The following KATNIP variants were observed in gnomAD, a reference collection of about 807,000 sequenced individuals.
KATNIP encodes the protein katanin-interacting protein.
In KATNIP, 126 loss-of-function variants were observed where a neutral mutation model predicts 174.0. That is an observed-to-expected ratio of 0.72 (90% CI 0.63 to 0.84). KATNIP has a LOEUF of 0.84. Ranked by LOEUF, KATNIP falls within the 40% of genes least tolerant of loss-of-function variation. The pLI is 0.00. For missense variants in KATNIP, 1,958 were observed against 2,109.7 expected (o/e 0.93, Z 1.41); for synonymous variants, 810 against 835.7 (o/e 0.97, Z 0.53).
chr16:27,571,420 A>G (rs1348954098), intron 1 of KATNIP, among the ~76,000 whole-genome samples: 1 of 152,184 alleles, frequency 6.6e-6, no homozygotes, highest in Non-Finnish European at 1.5e-5. Context: ...AAAAGCAACC[A>G]TAAAGATGAT....
In KATNIP at chr16:27,740,126, A is replaced by G. The variant is rs1365573001; in HGVS notation, c.1829A>G (p.Glu610Gly). The stretch of plus-strand genomic sequence containing the variant: ...GGCAAGTTAGACAAAGGAGATAGGG[A>G]GGCCCCAGCTGACCACAGCATCCTG... ...FNGKLDKGDREAPADHSILVD... is the reference protein window; with the variant it reads ...FNGKLDKGDRGAPADHSILVD... The change falls in exon 15 of 28, where the codon GAG (glutamate) becomes GGG (glycine). Residue 610 changes from glutamate (E) to glycine (G), a missense_variant. Transcript: ENST00000261588. 6.2e-7 allele frequency: 1 copy of G among 1,614,216 alleles called. No homozygotes were observed. The highest frequency in any genetic ancestry group is 2.2e-5 in the East Asian group (1 of 44,882).
intron 14 of KATNIP, among the ~76,000 whole-genome samples, chr16:27,729,152 G>T (rs555212609): frequency 6.6e-6 from 1 of 152,192 alleles, no homozygotes; most frequent in Admixed American, 6.5e-5. Flanking sequence ...AAGAGAAGAC[G>T]CTGGGTGGCT....
rs573692899 is a variant in KATNIP at position 27,620,703 on chromosome 16, C to A, written c.140+2202C>A. Among the ~76,000 whole-genome samples the A allele has an allele frequency of 3.3e-5, 5 of 152,162 alleles. No homozygotes were observed. The East Asian group carries it at 9.6e-4, about 29-fold the overall frequency. Reference sequence around the variant, plus strand: ...GCTGGACATTGAGGGAGATGAAAACCCAGGCTGCTTATCTGGGTTGTCTGT... The same window carrying A: ...GCTGGACATTGAGGGAGATGAAAACACAGGCTGCTTATCTGGGTTGTCTGT... On this transcript the variant is annotated intron_variant, in intron 3 of 27. Coordinates refer to ENST00000261588, the MANE Select transcript of KATNIP (RefSeq NM_015202.5).
chr16:27,612,779 T>C (rs2075930643), intron 2 of KATNIP, among the ~76,000 whole-genome samples: 1 of 150,526 alleles, frequency 6.6e-6, no homozygotes, highest in South Asian at 2.1e-4. Context: ...AAAAAAGAAA[T>C]GCAGACTTGG....
chr16:27,568,977 T>TA (rs1033042078), intron 1 of KATNIP, among the ~76,000 whole-genome samples: 2 of 152,120 alleles, frequency 1.3e-5, no homozygotes, highest in African/African-American at 4.8e-5. Flanking sequence ...CTGAAGAGGA[T>TA]AAATAGAGGG....
intron 8 of KATNIP, among the ~76,000 whole-genome samples, chr16:27,686,070 G>T (rs919562375): frequency 6.6e-6 from 1 of 152,190 alleles, no homozygotes; most frequent in East Asian, 1.9e-4. Flanking sequence ...TTTAGGGTCA[G>T]GGTTGTAGGG....
At chr16:27,556,086 C>G (rs2141547232) in intron 1 of KATNIP, among the ~76,000 whole-genome samples, 2 of 151,384 alleles carry the variant, frequency 1.3e-5, no homozygotes, top group East Asian at 3.9e-4. Context: ...GAGATTGCAC[C>G]ACCGCACTCT....
chr16:27,592,651 C>G (rs2075213813), intron 2 of KATNIP, among the ~76,000 whole-genome samples: 1 of 152,060 alleles, frequency 6.6e-6, no homozygotes, highest in African/African-American at 2.4e-5. Context: ...GATGTGGACA[C>G]AGGAGCATAT....
chr16:27,598,730 C>T (rs1288021684), intron 2 of KATNIP, among the ~76,000 whole-genome samples: 1 of 152,182 alleles, frequency 6.6e-6, no homozygotes, highest in Admixed American at 6.5e-5. Context: ...GATGTGCTAT[C>T]TAAGCGTTCC....
intron 18 of KATNIP, among the ~76,000 whole-genome samples, chr16:27,761,021 G>T (rs1317924554): frequency 2.0e-5 from 3 of 152,198 alleles, no homozygotes; most frequent in Non-Finnish European, 4.4e-5. Flanking sequence ...AGACAGCCTG[G>T]GTGGGGCCTA....
At chr16:27,618,676 T>C (rs1596952880) in intron 3 of KATNIP, among the ~76,000 whole-genome samples, 175 bp downstream of exon 3, 1 of 152,340 alleles carries the variant, frequency 6.6e-6, no homozygotes, top group East Asian at 1.9e-4. Context: ...TTCACTGATT[T>C]AATTGCATTT....
intron 22 of KATNIP, 44 bp from the exon 23 acceptor site, chr16:27,773,054 GA>G (rs753488265): frequency 0.012 from 11,413 of 949,556 alleles, 119 homozygotes; most frequent in African/African-American, 0.068. Flanking sequence ...ACTATATTCT[GA>G]AAAAAAAAAA....
intron 18 of KATNIP, among the ~76,000 whole-genome samples, chr16:27,756,024 C>T (rs562314903): frequency 4.6e-5 from 7 of 152,300 alleles, no homozygotes; most frequent in Admixed American, 2.0e-4. Context: ...CAGCACTTCC[C>T]GCCACCAGAG....
At position 27,703,945 on chromosome 16, in the gene KATNIP, G is replaced by A; in HGVS notation, c.1336G>A (p.Ala446Thr). 2 of 1,614,200 alleles carry A rather than the reference G, an allele frequency of 1.2e-6. No individual in the cohort carries two copies. Among genetic ancestry groups the A allele is most frequent in the Non-Finnish European group, 1.7e-6 (2 of 1,180,030 alleles). The change falls in exon 12 of 28, where the codon GCC becomes ACC. Residue 446 changes from alanine (A) to threonine (T), a missense_variant. By Grantham distance (58) the Ala-to-Thr change is moderately conservative (BLOSUM62 0). Around this residue, in one of 3 missense-constraint regions of KATNIP, gnomAD observed 1,557 missense variants for 1,617.8 expected, o/e 0.96. Coordinates refer to ENST00000261588, the MANE Select transcript of KATNIP (RefSeq NM_015202.5). ...KVLQAVESDS[A>T]HLGRVVSPTK... ...CCTCCAGGCCGTCGAAAGTGACTCTGCCCATCTCGGCAGGGTGGTTTCACC... is the reference window on the plus strand; with the variant it reads ...CCTCCAGGCCGTCGAAAGTGACTCTACCCATCTCGGCAGGGTGGTTTCACC...
rs748340428 is a variant in KATNIP at position 27,750,301 on chromosome 16, C to A, written c.3341C>A (p.Ala1114Glu). Residue 1114 changes from alanine to glutamate, a missense_variant, in exon 16 of 28, where the codon GCG (alanine) becomes GAG (glutamate). Ala to Glu is a moderately radical substitution (Grantham distance 107). Transcript: ENST00000261588. ...ATCGCCAAGGCCTCTGGAACCCTGGCGGGAGGTATGGCGTGTCTGTAAGAA... is the reference window on the plus strand; with the variant it reads ...ATCGCCAAGGCCTCTGGAACCCTGGAGGGAGGTATGGCGTGTCTGTAAGAA... ...GEIAKASGTL[A>E]GAPEHFGDTI... 5 of 1,606,548 alleles carry A rather than the reference C, an allele frequency of 3.1e-6. No individual in the cohort carries two copies. The highest frequency in any genetic ancestry group is 1.1e-5 in the South Asian group (1 of 89,370).
At chr16:27,648,797 G>GT (rs1209689921) in intron 6 of KATNIP, 62 bp downstream of exon 6, 1 of 1,569,146 alleles carries the variant, frequency 6.4e-7, no homozygotes, top group Non-Finnish European at 8.7e-7. Context: ...CGGTGCTGCA[G>GT]TGGCCCCTCG....
intron 17 of KATNIP, 33 bp downstream of exon 17, chr16:27,751,957 C>T: frequency 6.4e-7 from 1 of 1,555,210 alleles, no homozygotes; most frequent in South Asian, 1.2e-5. Context: ...GTGGGGGGAC[C>T]CCCAGATAGG....
chr16:27,638,835 A>ATTTTTT (rs35773237), intron 5 of KATNIP, among the ~76,000 whole-genome samples: 11 of 110,812 alleles, frequency 9.9e-5, no homozygotes, highest in African/African-American at 3.6e-4. Context: ...GTCTTGCTGG[A>ATTTTTT]TTTTTTTTTT....
intron 1 of KATNIP, among the ~76,000 whole-genome samples, chr16:27,568,543 C>T (rs1051680409): frequency 2.0e-5 from 3 of 152,076 alleles, no homozygotes; most frequent in African/African-American, 7.2e-5. Context: ...CGGCTCTGTG[C>T]AACCTCCGCT....
Sources: allele counts gnomAD v4.1 joint callset (sites outside exome capture counted in the v4.1 genomes callset), GRCh38; gene constraint gnomAD v4.1.1; regional missense constraint gnomAD v4.1.1; transcripts MANE v1.5; gene names NCBI Gene and HGNC (gene_info 2026-07-23, HGNC 2026-07-21).